Variants in IQSEC3 observed in about 807,000 individuals in gnomAD.
The protein encoded by IQSEC3 is IQ motif and Sec7 domain ArfGEF 3.
In IQSEC3, 50 loss-of-function variants were observed where a neutral mutation model predicts 105.4. The ratio of observed to expected loss-of-function variants is 0.47; its 90% CI spans 0.38 to 0.60. IQSEC3 has a LOEUF of 0.60. IQSEC3 is among the 20% of genes least tolerant of loss of function. IQSEC3 has a pLI of 0.00. For missense variants in IQSEC3, 1,415 were observed against 1,630.0 expected, an observed-to-expected ratio of 0.87 and a Z score of 2.27; for synonymous variants, 708 against 746.0, an observed-to-expected ratio of 0.95 and a Z score of 0.83.
rs782021780 is a variant in IQSEC3 at position 165,881 on chromosome 12, C to T, written c.2962C>T (p.Arg988Ter). ...IAEVTELEQIRIEWELEKQQG... is the reference protein window; with the variant it reads ...IAEVTELEQI ...TGAGGTGACGGAGCTGGAGCAGATCCGAATAGAGTGTAAGGACACGGGCTC... is the reference window on the plus strand; with the variant it reads ...TGAGGTGACGGAGCTGGAGCAGATCTGAATAGAGTGTAAGGACACGGGCTC... Residue 988 changes from arginine (R) to a stop codon, truncating the protein, a stop_gained, in exon 11 of 14, where the codon CGA (arginine) becomes TGA (stop). Coordinates refer to ENST00000538872, the MANE Select transcript of IQSEC3 (RefSeq NM_001170738.2). LOFTEE classifies it high-confidence loss of function. 3.1e-6 allele frequency: 5 copies of T among 1,613,936 alleles called. No homozygotes were observed. The highest frequency in any genetic ancestry group is 1.3e-5 in the African/African-American group (1 of 75,066).
At chr12:81,067 G>A (rs1555070618) in intron 1 of IQSEC3, among the ~76,000 whole-genome samples, 4 of 152,208 alleles carry the variant, frequency 2.6e-5, no homozygotes, top group Admixed American at 6.5e-5. Context: ...GGATTTCCAG[G>A]TCCACCAGGG....
rs1555083185 is a variant in IQSEC3 at position 125,814 on chromosome 12, T to C, written c.805T>C (p.Ser269Pro). 2 of 1,527,290 alleles carry C rather than the reference T, an allele frequency of 1.3e-6. No homozygotes were observed. The highest frequency in any genetic ancestry group is 1.7e-6 in the Non-Finnish European group (2 of 1,143,582). 94.6% of individuals were successfully genotyped at this position (1,527,290 alleles called of 1,614,324 possible). ...SPRAGPQHKA[S>P]PGRQQPALAT... ...AAGGGCTGGCCCCCAGCACAAGGCCTCCCCCGGCCGGCAGCAGCCTGCCCT... is the reference window on the plus strand; with the variant it reads ...AAGGGCTGGCCCCCAGCACAAGGCCCCCCCCGGCCGGCAGCAGCCTGCCCT... The change falls in exon 3 of 14, where the codon TCC (serine) becomes CCC (proline). Residue 269 changes from serine to proline, a missense_variant. Physicochemically the swap from Ser to Pro is moderately conservative, Grantham distance 74 (BLOSUM62 -1). Coordinates refer to ENST00000538872, the MANE Select transcript of IQSEC3 (RefSeq NM_001170738.2).
Position 165,531 on chromosome 12 carries a change from A to AGTGTAAGTCTTTGACAGCCT in IQSEC3, c.2809+17_2809+18insTGTGTAAGTCTTTGACAGCC. 6.2e-7 allele frequency: 1 copy of AGTGTAAGTCTTTGACAGCCT among 1,609,224 alleles called. No homozygotes were observed. The highest frequency in any genetic ancestry group is 8.5e-7 in the Non-Finnish European group (1 of 1,176,952). ...ATGCAGTTCCAGCTCTTTGAGAACG[A>AGTGTAAGTCTTTGACAGCCT]GTGTAAGTCTTTGACAGCCAGTGTA... On this transcript the variant is annotated frameshift_variant and splice_region_variant, in exon 10 of 14. Coordinates refer to ENST00000538872, the MANE Select transcript of IQSEC3 (RefSeq NM_001170738.2). LOFTEE classifies it high-confidence loss of function.
chr12:163,858 T>G (rs1489926142), intron 9 of IQSEC3, among the ~76,000 whole-genome samples: 1 of 151,946 alleles, frequency 6.6e-6, no homozygotes, highest in African/African-American at 2.4e-5. Flanking sequence ...GATGATCTGC[T>G]CGTGGTTGCA....
At position 175,219 on chromosome 12, in the gene IQSEC3, G is replaced by A; in HGVS notation, c.*186G>A. ...CCAACCATCCTTCCCTTTCTCAGCT[G>A]CACCCCCTCTGCAGATCTGAAGACA... On this transcript the variant is annotated 3_prime_UTR_variant, in exon 14 of 14. Coordinates refer to ENST00000538872, the MANE Select transcript of IQSEC3 (RefSeq NM_001170738.2). 1.7e-6 allele frequency: 1 copy of A among 572,848 alleles called. No homozygotes were observed. The highest frequency in any genetic ancestry group is 3.1e-6 in the Non-Finnish European group (1 of 327,074). 35.5% of individuals were successfully genotyped at this position (572,848 alleles called of 1,614,324 possible). A position where few individuals can be genotyped will look rare whatever the true frequency, so the allele number is the denominator to read the frequency against.
chr12:88,157 C>T (rs1555072545), intron 1 of IQSEC3, among the ~76,000 whole-genome samples: 1 of 152,170 alleles, frequency 6.6e-6, no homozygotes, highest in Non-Finnish European at 1.5e-5. Flanking sequence ...TTAAACCTAA[C>T]AGATATTCCT....
chr12:160,569 T>C (rs1160419015), intron 7 of IQSEC3, among the ~76,000 whole-genome samples: 1 of 152,136 alleles, frequency 6.6e-6, no homozygotes, highest in African/African-American at 2.4e-5. Flanking sequence ...CTTGGCTGGG[T>C]GTGGGGTCCC....
intron 2 of IQSEC3, among the ~76,000 whole-genome samples, chr12:124,035 C>A (rs1465054352): frequency 1.3e-5 from 2 of 152,006 alleles, no homozygotes; most frequent in South Asian, 2.1e-4. Context: ...GGCTGGGGGA[C>A]GTAATGAAAT....
intron 6 of IQSEC3, 127 bp downstream of exon 6, chr12:157,274 T>G (rs1866723470): frequency 1.5e-6 from 2 of 1,329,504 alleles, no homozygotes; most frequent in African/African-American, 1.5e-5. Flanking sequence ...CCCCTTCTGG[T>G]GTGGGCAGGA....
At chr12:134,551 C>T (rs1865696285) in intron 3 of IQSEC3, among the ~76,000 whole-genome samples, 1 of 152,242 alleles carries the variant, frequency 6.6e-6, no homozygotes. Context: ...AAAGGATGCT[C>T]TTGGGCCTGG....
Position 131,031 on chromosome 12 carries a change from C to CT in IQSEC3, c.903+5119_903+5120insT, listed in dbSNP as rs1269565433. Among the ~76,000 whole-genome samples, 109 of 47,126 alleles carry CT rather than the reference C, an allele frequency of 2.3e-3. 3 individuals are homozygous for CT. Among genetic ancestry groups the CT allele is most frequent in the African/African-American group, 4.1e-3 (48 of 11,806 alleles). The allele number at this position is 47,126 out of a possible 152,430, so 30.9% of individuals were successfully genotyped here. A position where few individuals can be genotyped will look rare whatever the true frequency, so the allele number is the denominator to read the frequency against. ...CAGCTAGCGGCTCTTCCTCCCCACA[C>CT]CTGGCCCCCGCTCCTCAGCACTGTG... is the stretch of plus-strand genomic sequence containing the variant. On this transcript the variant is annotated intron_variant, in intron 3 of 13. Coordinates refer to ENST00000538872, the MANE Select transcript of IQSEC3 (RefSeq NM_001170738.2).
Position 139,012 on chromosome 12 carries a change from C to A in IQSEC3, c.1649C>A (p.Ala550Asp), listed in dbSNP as rs1555087986. The change falls in exon 4 of 14, where the codon GCC (alanine) becomes GAC (aspartate). Residue 550 changes from alanine (A) to aspartate (D), a missense_variant. Ala to Asp is a moderately radical substitution (Grantham distance 126). Coordinates refer to ENST00000538872, the MANE Select transcript of IQSEC3 (RefSeq NM_001170738.2). Reference protein sequence around the residue: ...APAVGREDASAEDSCAEAAAS... With the variant: ...APAVGREDASDEDSCAEAAAS... ...GCCGTGGGCCGGGAGGACGCGTCAGCCGAGGACTCATGCGCAGAGGCTGCG... is the reference window on the plus strand; with the variant it reads ...GCCGTGGGCCGGGAGGACGCGTCAGACGAGGACTCATGCGCAGAGGCTGCG... 1 of 1,518,140 alleles carries A rather than the reference C, an allele frequency of 6.6e-7. No homozygotes were observed. The highest frequency in any genetic ancestry group is 1.2e-5 in the South Asian group (1 of 80,038). 94.0% of individuals were successfully genotyped at this position (1,518,140 alleles called of 1,614,324 possible).
chr12:113,518 C>T (rs1864959304), intron 2 of IQSEC3, among the ~76,000 whole-genome samples: 1 of 152,058 alleles, frequency 6.6e-6, no homozygotes, highest in South Asian at 2.1e-4. Flanking sequence ...CCAGGTGCCA[C>T]TGCCACACGG....
intron 2 of IQSEC3, among the ~76,000 whole-genome samples, chr12:125,298 C>T (rs1024401019): frequency 6.6e-5 from 10 of 152,190 alleles, no homozygotes; most frequent in Non-Finnish European, 1.3e-4. Flanking sequence ...TGCAATGAGG[C>T]TGAGTGACCT....
intron 1 of IQSEC3, among the ~76,000 whole-genome samples, chr12:69,101 G>A (rs1863208032): frequency 6.6e-6 from 1 of 152,178 alleles, no homozygotes; most frequent in Non-Finnish European, 1.5e-5. Flanking sequence ...CACATGAGGG[G>A]ATGAATTTTT....
chr12:130,184 C>T (rs1225876965), intron 3 of IQSEC3, among the ~76,000 whole-genome samples: 4 of 152,198 alleles, frequency 2.6e-5, no homozygotes, highest in African/African-American at 9.7e-5. Context: ...AGATACAGGC[C>T]TAGTCATCAG....
chr12:114,833 T>G (rs1459891539), intron 2 of IQSEC3, among the ~76,000 whole-genome samples: 2 of 152,214 alleles, frequency 1.3e-5, no homozygotes, highest in Admixed American at 6.5e-5. Context: ...CATGCCAGGA[T>G]CTCTAAGGCT....
At chr12:97,169 T>C (rs1422232266) in intron 1 of IQSEC3, among the ~76,000 whole-genome samples, 1 of 152,250 alleles carries the variant, frequency 6.6e-6, no homozygotes, top group Non-Finnish European at 1.5e-5. Flanking sequence ...TTCTGTCAAC[T>C]GCTATTCCTA....
chr12:66,916 G>A lies in IQSEC3; in HGVS notation c.34G>A (p.Val12Met), dbSNP rs782034496. 1.0e-5 allele frequency: 15 copies of A among 1,497,118 alleles called. No individual in the cohort carries two copies. The highest frequency in any genetic ancestry group is 4.4e-5 in the African/African-American group (3 of 68,880). 92.7% of individuals were successfully genotyped at this position (1,497,118 alleles called of 1,614,324 possible). A position where few individuals can be genotyped will look rare whatever the true frequency, so the allele number is the denominator to read the frequency against. ...CCTGCTGGAGAATCCGGTGCGCGCC[G>A]TGCTCTACCTCAAGGAGCTCACGGC... ...ESLLENPVRA[V>M]LYLKELTAIV... The change falls in exon 1 of 14, where the codon GTG becomes ATG. Residue 12 changes from valine (V) to methionine (M), a missense_variant. Coordinates refer to ENST00000538872, the MANE Select transcript of IQSEC3 (RefSeq NM_001170738.2).
Sources: allele counts gnomAD v4.1 joint callset (sites outside exome capture counted in the v4.1 genomes callset), GRCh38; gene constraint gnomAD v4.1.1; transcripts MANE v1.5; gene names NCBI Gene and HGNC (gene_info 2026-07-23, HGNC 2026-07-21).